The following GNPDA2 variants were observed in gnomAD, a reference collection of about 807,000 sequenced individuals.
GNPDA2 encodes glcN6P deaminase 2.
Under a neutral mutation model 27.0 loss-of-function variants are expected in GNPDA2, and 24 were observed. The observed-to-expected ratio is 0.89, with a 90% CI of 0.64 to 1.25. The LOEUF is 1.25. Among genes scored for constraint, GNPDA2 ranks in the 50% most tolerant of loss-of-function variants. The pLI, the probability that GNPDA2 is intolerant of heterozygous loss-of-function variation, is 0.00. For synonymous variants in GNPDA2, 94 were observed against 108.4 expected, an observed-to-expected ratio of 0.87 and a Z score of 0.83; for missense variants, 286 against 335.1, an observed-to-expected ratio of 0.85 and a Z score of 1.14.
chr4:44,723,428 A>G (rs1468999488), intron 1 of GNPDA2, among the ~76,000 whole-genome samples: 2 of 152,084 alleles, frequency 1.3e-5, no homozygotes, highest in African/African-American at 4.8e-5. Flanking sequence ...AGCCTCTAAT[A>G]TCAGTCTACT....
intron 5 of GNPDA2, among the ~76,000 whole-genome samples, chr4:44,708,593 G>A (rs1051803924): frequency 6.6e-6 from 1 of 152,014 alleles, no homozygotes; most frequent in Non-Finnish European, 1.5e-5. Flanking sequence ...GGCCCTAAAT[G>A]CCAATGAAAT....
At chr4:44,706,009 T>C (rs1716581122) in intron 6 of GNPDA2, 2 of 151,902 alleles carry the variant, frequency 1.3e-5, no homozygotes, top group African/African-American at 4.8e-5. Flanking sequence ...GTGACAAAAT[T>C]AGATTAGTAC....
intron 4 of GNPDA2, chr4:44,714,682 G>C (rs775348271): frequency 4.1e-6 from 4 of 984,634 alleles, no homozygotes; most frequent in Non-Finnish European, 4.8e-6. Flanking sequence ...AAGGGTAGTT[G>C]TAAGACCCAG....
Position 44,702,098 on chromosome 4 carries a change from A to G in GNPDA2, c.*983T>C. The stretch of plus-strand genomic sequence containing the variant: ...TGAATGCAGGTTCACATGTACTATA[A>G]TTGTTGGGAGTCGAATGCATGTATT... On this transcript the variant is annotated 3_prime_UTR_variant, in exon 7 of 7. Transcript: ENST00000295448. The G allele has an allele frequency of 1.0e-6, 1 of 981,918 alleles. No homozygotes were observed. The highest frequency in any genetic ancestry group is 4.7e-5 in the South Asian group (1 of 21,222). 60.8% of individuals were successfully genotyped at this position (981,918 alleles called of 1,614,324 possible).
intron 6 of GNPDA2, 105 bp from the exon 7 acceptor site, chr4:44,703,247 G>T: frequency 6.9e-7 from 1 of 1,455,996 alleles, no homozygotes; most frequent in South Asian, 1.4e-5. Context: ...AGCCTGTTTA[G>T]TTCCCATCTT....
At position 44,702,293 on chromosome 4, in the gene GNPDA2, G is replaced by C; in HGVS notation, c.*788C>G. ...TTTTAGACATTTTATAAGGAATAAA[G>C]CTAATTGTATATTAAGTTTAACAAT... On this transcript the variant is annotated 3_prime_UTR_variant, in exon 7 of 7. Coordinates refer to ENST00000295448, the MANE Select transcript of GNPDA2 (RefSeq NM_138335.3). The C allele has an allele frequency of 3.1e-6, 2 of 647,640 alleles. No individual in the cohort carries two copies. 40.1% of individuals were successfully genotyped at this position (647,640 alleles called of 1,614,324 possible).
At chr4:44,722,266 A>G in intron 1 of GNPDA2, 24 bp from the exon 2 acceptor site, 1 of 1,550,590 alleles carries the variant, frequency 6.4e-7, no homozygotes, top group Non-Finnish European at 8.7e-7. Context: ...ATTGTAGAAC[A>G]CTTTACATAA....
Position 44,711,178 on chromosome 4 carries a change from T to C in GNPDA2, c.410-41A>G, listed in dbSNP as rs368485763. ...TACATACATATACACATGAAGTAAA[T>C]AGGTTTCACAAAGTTCAATGTGCGT... On this transcript the variant is annotated intron_variant, in intron 4 of 6. Transcript: ENST00000295448. 8 of 1,299,250 alleles carry C rather than the reference T, an allele frequency of 6.2e-6. No homozygotes were observed. The South Asian group carries it at 6.3e-5, about 10-fold the overall frequency. 80.5% of individuals were successfully genotyped at this position (1,299,250 alleles called of 1,614,324 possible). A position where few individuals can be genotyped will look rare whatever the true frequency, so the allele number is the denominator to read the frequency against.
chr4:44,705,767 C>T (rs1262922555), intron 6 of GNPDA2: 1 of 151,916 alleles, frequency 6.6e-6, no homozygotes, highest in Non-Finnish European at 1.5e-5. Context: ...TATTACCCAG[C>T]TCTGCCCAAA....
intron 2 of GNPDA2, among the ~76,000 whole-genome samples, chr4:44,720,341 G>A (rs1003872069): frequency 6.6e-6 from 1 of 152,242 alleles, no homozygotes; most frequent in East Asian, 1.9e-4. Flanking sequence ...AATCTAGATA[G>A]GTCTGGTGCC....
chr4:44,704,536 C>T, intron 6 of GNPDA2: 2 of 711,600 alleles, frequency 2.8e-6, no homozygotes, highest in South Asian at 1.3e-4. Flanking sequence ...AATAGGACTG[C>T]TTCCAAACTA....
chr4:44,706,636 A>G (rs960802688), intron 6 of GNPDA2: 1 of 151,914 alleles, frequency 6.6e-6, no homozygotes, highest in Non-Finnish European at 1.5e-5. Flanking sequence ...ATTGTAAGAC[A>G]CACCATTTTA....
intron 4 of GNPDA2, chr4:44,714,122 C>A (rs1483152899): frequency 6.0e-6 from 1 of 166,646 alleles, no homozygotes; most frequent in Non-Finnish European, 1.2e-5. Flanking sequence ...CAGGCATGCA[C>A]CACCACGCCC....
intron 2 of GNPDA2, among the ~76,000 whole-genome samples, chr4:44,719,500 CAT>C (rs1017203142): frequency 2.6e-5 from 4 of 152,130 alleles, no homozygotes; most frequent in Admixed American, 6.6e-5. Flanking sequence ...AAGCTAAGCA[CAT>C]ATGTTGTTTT....
chr4:44,709,145 G>C (rs185294624), intron 5 of GNPDA2, among the ~76,000 whole-genome samples: 61 of 152,084 alleles, frequency 4.0e-4, no homozygotes, highest in African/African-American at 1.4e-3. Context: ...TCAACATGAA[G>C]TATATATACT....
At chr4:44,716,887 A>G (rs1407425908) in intron 4 of GNPDA2, among the ~76,000 whole-genome samples, 1 of 151,844 alleles carries the variant, frequency 6.6e-6, no homozygotes, top group East Asian at 1.9e-4. Flanking sequence ...TCTACCTCTC[A>G]AGGCATAAGG....
intron 4 of GNPDA2, among the ~76,000 whole-genome samples, chr4:44,713,866 C>T (rs1026251732): frequency 6.6e-6 from 1 of 152,054 alleles, no homozygotes; most frequent in African/African-American, 2.4e-5. Flanking sequence ...GGCAACAGAG[C>T]GAGACTCTGT....
intron 5 of GNPDA2, among the ~76,000 whole-genome samples, chr4:44,709,442 T>TGAACA (rs1716834147): frequency 6.6e-6 from 1 of 152,166 alleles, no homozygotes; most frequent in Non-Finnish European, 1.5e-5. Flanking sequence ...AATAATTTGT[T>TGAACA]ATGTTTGTTC....
At chr4:44,721,062 A>G (rs1200016942) in intron 2 of GNPDA2, among the ~76,000 whole-genome samples, 1 of 151,850 alleles carries the variant, frequency 6.6e-6, no homozygotes, top group Non-Finnish European at 1.5e-5. Context: ...CAGTGAAAAA[A>G]AAAAAACCCT....
Sources: gnomAD v4.1 joint callset for allele counts (sites outside exome capture counted in the v4.1 genomes callset) on GRCh38, gnomAD v4.1.1 for gene constraint, MANE v1.5 for transcripts, NCBI Gene and HGNC (gene_info 2026-07-23, HGNC 2026-07-21) for gene names.